Variants in CHD1 observed in about 807,000 individuals in gnomAD.
CHD1 encodes chromodomain helicase DNA binding protein 1.
CHD1 carries 36 observed loss-of-function variants against 224.2 expected under a neutral mutation model. The ratio of observed to expected loss-of-function variants is 0.16; its 90% CI spans 0.12 to 0.21. The LOEUF is 0.21. Ranked by LOEUF, CHD1 falls within the 10% of genes least tolerant of loss-of-function variation. The pLI, the probability that CHD1 is intolerant of heterozygous loss-of-function variation, is 1.00. For synonymous variants in CHD1, 668 were observed against 658.3 expected (o/e 1.01, Z -0.23); for missense variants, 1,378 against 1,994.8 (o/e 0.69, Z 5.89).
chr5:98,911,221 A>G (rs1752404546), intron 2 of CHD1, among the ~76,000 whole-genome samples: 1 of 146,166 alleles, frequency 6.8e-6, no homozygotes, highest in Non-Finnish European at 1.5e-5. Context: ...AGGACATGAG[A>G]GCCCACTTGA....
intron 15 of CHD1, 88 bp from the exon 16 acceptor site, chr5:98,889,326 A>G (rs1244822219): frequency 2.2e-6 from 2 of 921,946 alleles, no homozygotes; most frequent in African/African-American, 3.3e-5. Context: ...AAAAAAGCCA[A>G]CGATAGTACC....
At chr5:98,878,653 T>C (rs889137096) in intron 23 of CHD1, among the ~76,000 whole-genome samples, 2 of 152,152 alleles carry the variant, frequency 1.3e-5, no homozygotes, top group Non-Finnish European at 2.9e-5. Context: ...TAAAATTACA[T>C]AAAATATGCT....
At chr5:98,888,652 C>A (rs1750809193) in intron 16 of CHD1, among the ~76,000 whole-genome samples, 1 of 152,206 alleles carries the variant, frequency 6.6e-6, no homozygotes, top group Non-Finnish European at 1.5e-5. Context: ...CAATGCACTA[C>A]AGTGGCTGGA....
At chr5:98,899,412 T>G (rs1475476184) in intron 8 of CHD1, 68 bp downstream of exon 8, 1 of 989,080 alleles carries the variant, frequency 1.0e-6, no homozygotes, top group African/African-American at 1.6e-5. Flanking sequence ...CTATGTATTC[T>G]TTATTAACAT....
At chr5:98,926,148 T>A (rs533296527) in intron 2 of CHD1, among the ~76,000 whole-genome samples, 186 bp downstream of exon 2, 1 of 152,258 alleles carries the variant, frequency 6.6e-6, no homozygotes, top group African/African-American at 2.4e-5. Flanking sequence ...AAAAATATAA[T>A]TAAAACCTGT....
Position 98,902,784 on chromosome 5 carries a change from C to T in CHD1, c.437+116G>A, listed in dbSNP as rs189193032. 2,697 of 586,244 alleles carry T rather than the reference C, an allele frequency of 4.6e-3. 7 individuals are homozygous for T. The highest frequency in any genetic ancestry group is 6.4e-3 in the Non-Finnish European group (2,173 of 337,854). The allele number at this position is 586,244 out of a possible 1,614,324, so 36.3% of individuals were successfully genotyped here. A position where few individuals can be genotyped will look rare whatever the true frequency, so the allele number is the denominator to read the frequency against. On this transcript the variant is annotated intron_variant, in intron 5 of 35. Transcript: ENST00000614616. ...TGGTGTAAATTAACTTCATAAAATG[C>T]CATGAACTAAGAATTTAGAAGAGTC... is the stretch of plus-strand genomic sequence containing the variant.
At chr5:98,916,252 TAAAA>T (rs1752722056) in intron 2 of CHD1, among the ~76,000 whole-genome samples, 1 of 151,912 alleles carries the variant, frequency 6.6e-6, no homozygotes, top group Non-Finnish European at 1.5e-5. Context: ...GTTTGCTTTT[TAAAA>T]AAGGTTTTGG....
At chr5:98,918,954 C>T (rs1173867383) in intron 2 of CHD1, among the ~76,000 whole-genome samples, 3 of 152,018 alleles carry the variant, frequency 2.0e-5, no homozygotes, top group Non-Finnish European at 2.9e-5. Context: ...ACTTGCATGC[C>T]CATTTGGCCC....
At chr5:98,924,418 T>C (rs1385148795) in intron 2 of CHD1, among the ~76,000 whole-genome samples, 1 of 152,250 alleles carries the variant, frequency 6.6e-6, no homozygotes, top group African/African-American at 2.4e-5. Flanking sequence ...CTTTACTGTT[T>C]GAAACTTTAC....
intron 2 of CHD1, among the ~76,000 whole-genome samples, chr5:98,910,650 G>A (rs889884786): frequency 6.6e-6 from 1 of 151,828 alleles, no homozygotes; most frequent in Non-Finnish European, 1.5e-5. Context: ...AGCAAATTAC[G>A]AATAAGAATG....
At chr5:98,863,272 T>G (rs142476918) in intron 32 of CHD1, 136 bp downstream of exon 32, 236 of 472,788 alleles carry the variant, frequency 5.0e-4, no homozygotes, top group African/African-American at 4.5e-3. Flanking sequence ...GGAGAAAAAT[T>G]AAAACAATCA....
In CHD1 at chr5:98,898,650, C is replaced by T; in HGVS notation, c.1186+14G>A. On this transcript the variant is annotated intron_variant, in intron 9 of 35. Coordinates refer to ENST00000614616, the MANE Select transcript of CHD1 (RefSeq NM_001270.4). The stretch of plus-strand genomic sequence containing the variant: ...CATAAAAAGAAAGTTTAACTAGAAT[C>T]ATTTATCACTAACCAATTATACGTT... The T allele has an allele frequency of 7.0e-7, 1 of 1,437,260 alleles. No individual in the cohort carries two copies. Among genetic ancestry groups the T allele is most frequent in the Non-Finnish European group, 9.6e-7 (1 of 1,038,254 alleles). The allele number at this position is 1,437,260 out of a possible 1,614,324, so 89.0% of individuals were successfully genotyped here.
At chr5:98,883,831 AT>A in intron 18 of CHD1, 1 of 44,884 alleles carries the variant, frequency 2.2e-5, no homozygotes, top group Non-Finnish European at 3.6e-5. Context: ...GACTAAATAT[AT>A]ATATATATAT....
chr5:98,892,795 G>A, intron 14 of CHD1, 82 bp from the exon 15 acceptor site: 1 of 819,492 alleles, frequency 1.2e-6, no homozygotes, highest in East Asian at 2.9e-5. Flanking sequence ...TTTTAGGGGA[G>A]TCATTTATAA....
At chr5:98,904,043 C>T in intron 3 of CHD1, 135 bp from the exon 4 acceptor site, 1 of 590,438 alleles carries the variant, frequency 1.7e-6, no homozygotes, top group Non-Finnish European at 3.0e-6. Flanking sequence ...CTATATGTAA[C>T]ACAATTATCA....
intron 2 of CHD1, among the ~76,000 whole-genome samples, chr5:98,916,285 C>A (rs531578886): frequency 6.6e-6 from 1 of 152,122 alleles, no homozygotes; most frequent in Admixed American, 6.5e-5. Context: ...GTGGCCCACA[C>A]CTGTAATCCC....
At chr5:98,880,978 C>G in intron 22 of CHD1, 98 bp downstream of exon 22, 1 of 754,820 alleles carries the variant, frequency 1.3e-6, no homozygotes, top group East Asian at 2.7e-5. Context: ...CAGCAATCTT[C>G]CTGATTATGC....
intron 2 of CHD1, among the ~76,000 whole-genome samples, chr5:98,913,981 A>G (rs1207152342): frequency 6.6e-6 from 1 of 152,004 alleles, no homozygotes; most frequent in Non-Finnish European, 1.5e-5. Flanking sequence ...CTCCCTATCC[A>G]CCCAGTATCT....
At chr5:98,913,825 C>T (rs562992512) in intron 2 of CHD1, among the ~76,000 whole-genome samples, 1 of 152,174 alleles carries the variant, frequency 6.6e-6, no homozygotes, top group African/African-American at 2.4e-5. Context: ...TAAACAAATG[C>T]CAACACTGTA....
Sources: gnomAD v4.1 joint callset for allele counts (sites outside exome capture counted in the v4.1 genomes callset) on GRCh38, gnomAD v4.1.1 for gene constraint, MANE v1.5 for transcripts, NCBI Gene and HGNC (gene_info 2026-07-23, HGNC 2026-07-21) for gene names.